The following CHST1 variants were observed in gnomAD, a reference collection of about 807,000 sequenced individuals.
CHST1 encodes carbohydrate sulfotransferase 1.
In CHST1, 10 loss-of-function variants were observed where a neutral mutation model predicts 22.5. That is an observed-to-expected ratio of 0.44 (90% CI 0.27 to 0.75). CHST1 has a LOEUF of 0.75. Among genes scored for constraint, CHST1 ranks in the 30% least tolerant of loss-of-function variants. CHST1 has a pLI of 0.15. For synonymous variants in CHST1, 267 were observed against 264.5 expected (o/e 1.01, Z -0.09); for missense variants, 439 against 576.1 (o/e 0.76, Z 2.44).
At chr11:45,655,282 G>T (rs1400319726) in intron 1 of CHST1, among the ~76,000 whole-genome samples, 1 of 152,232 alleles carries the variant, frequency 6.6e-6, no homozygotes, top group African/African-American at 2.4e-5. Context: ...CCAAATGTCT[G>T]GTTTGCTTTT....
At position 45,650,281 on chromosome 11, in the gene CHST1, C is replaced by T. The variant is rs1359494864; in HGVS notation, c.643G>A (p.Asp215Asn). 5 of 1,605,922 alleles carry T rather than the reference C, an allele frequency of 3.1e-6. No individual in the cohort carries two copies. Among genetic ancestry groups the T allele is most frequent in the Non-Finnish European group, 4.2e-6 (5 of 1,179,376 alleles). The change falls in exon 4 of 4, where the codon GAC becomes AAC. Residue 215 changes from aspartate to asparagine, a missense_variant. By Grantham distance (23) the Asp-to-Asn change is conservative (BLOSUM62 1). Transcript: ENST00000308064. ...IKTVRVPEVN[D>N]LRALVEDPRL... ...GGGTCTTCCACCAGGGCGCGCAGGTCGTTCACCTCGGGCACGCGCACCGTC... is the reference window on the plus strand; with the variant it reads ...GGGTCTTCCACCAGGGCGCGCAGGTTGTTCACCTCGGGCACGCGCACCGTC...
At chr11:45,658,772 C>T (rs1003607963) in intron 1 of CHST1, among the ~76,000 whole-genome samples, 16 of 152,228 alleles carry the variant, frequency 1.1e-4, no homozygotes, top group African/African-American at 2.9e-4. Context: ...CGACACTGGG[C>T]GGAAAAGCCC....
intron 1 of CHST1, among the ~76,000 whole-genome samples, chr11:45,656,903 G>A (rs559679927): frequency 6.6e-6 from 1 of 152,278 alleles, no homozygotes; most frequent in South Asian, 2.1e-4. Flanking sequence ...ATTTCAGAGG[G>A]GGCCTGTGGC....
chr11:45,660,281 C>T (rs184890541), intron 1 of CHST1, among the ~76,000 whole-genome samples: 4 of 152,282 alleles, frequency 2.6e-5, no homozygotes, highest in African/African-American at 4.8e-5. Context: ...AGAGAACGAA[C>T]GGATTTCAGG....
intron 1 of CHST1, among the ~76,000 whole-genome samples, chr11:45,661,667 G>A (rs539809899): frequency 6.6e-6 from 1 of 152,346 alleles, no homozygotes; most frequent in Admixed American, 6.5e-5. Context: ...GAGAAGGGTC[G>A]GCAGCTAAAG....
At chr11:45,662,858 G>A (rs1590695512) in intron 1 of CHST1, among the ~76,000 whole-genome samples, 1 of 152,272 alleles carries the variant, frequency 6.6e-6, no homozygotes, top group East Asian at 1.9e-4. Flanking sequence ...ACCCCAGTGG[G>A]TGGGGAGAGA....
intron 1 of CHST1, among the ~76,000 whole-genome samples, chr11:45,660,915 A>G (rs1852124253): frequency 1.3e-5 from 2 of 152,132 alleles, no homozygotes; most frequent in South Asian, 2.1e-4. Context: ...TTCCCAGCCC[A>G]CCGCCTTCCA....
In CHST1 at chr11:45,650,449, C is replaced by T. The variant is rs946310136; in HGVS notation, c.475G>A (p.Val159Ile). Residue 159 changes from valine to isoleucine, a missense_variant, in exon 4 of 4, where the codon GTC (valine) becomes ATC (isoleucine). Val to Ile is a conservative substitution (Grantham distance 29). Coordinates refer to ENST00000308064, the MANE Select transcript of CHST1 (RefSeq NM_003654.6). ...TCGCACACAGGCCGGGAGCAGAGGA[C>T]CCGGCTGGCCCCGCGGCGGAAGATC... is the stretch of plus-strand genomic sequence containing the variant. The part of the protein sequence containing the change: ...DRIFRRGASR[V>I]LCSRPVCDPP... 6.2e-7 allele frequency: 1 copy of T among 1,611,488 alleles called. No individual in the cohort carries two copies.
At chr11:45,663,366 G>T (rs1565001902) in intron 1 of CHST1, among the ~76,000 whole-genome samples, 1 of 152,176 alleles carries the variant, frequency 6.6e-6, no homozygotes, top group Non-Finnish European at 1.5e-5. Flanking sequence ...AGGGTTGGGG[G>T]GAGAGTGGTC....
Position 45,650,131 on chromosome 11 carries a change from A to G in CHST1, c.793T>C (p.Tyr265His). ...RLWYGTGRKP[Y>H]NLDVTQLTTV... is the part of the protein sequence containing the mutation. ...GTCAGCTGCGTCACGTCCAGGTTGT[A>G]GGGTTTCCTCCCGGTGCCGTACCAG... The change falls in exon 4 of 4, where the codon TAC becomes CAC. Residue 265 changes from tyrosine to histidine, a missense_variant. Physicochemically the swap from Tyr to His is moderately conservative, Grantham distance 83. Transcript: ENST00000308064. 2 of 1,613,888 alleles carry G rather than the reference A, an allele frequency of 1.2e-6. No individual in the cohort carries two copies. Among genetic ancestry groups the G allele is most frequent in the South Asian group, 1.1e-5 (1 of 91,078 alleles).
intron 3 of CHST1, 71 bp from the exon 4 acceptor site, chr11:45,651,036 G>T: frequency 1.7e-6 from 2 of 1,172,910 alleles, no homozygotes; most frequent in Non-Finnish European, 2.3e-6. Context: ...TGGAAGAGCC[G>T]GTCTCCAAGG....
chr11:45,660,478 G>A (rs1467247463), intron 1 of CHST1, among the ~76,000 whole-genome samples: 2 of 152,206 alleles, frequency 1.3e-5, no homozygotes, highest in Non-Finnish European at 2.9e-5. Flanking sequence ...AACAGAGGGT[G>A]AAACCCAGAC....
rs1180647445 is a variant in CHST1, at chr11:45,650,891, AAGG to A, written c.30_32del (p.Leu11del). ...ACTGGATGGCAATGGAGGCCAGGGC[AAGG>A]AGGAGGACGGCCTTCCAGGAACATT... On this transcript the variant is annotated inframe_deletion, in exon 4 of 4. Transcript: ENST00000308064. 8 of 1,548,240 alleles carry A rather than the reference AAGG, an allele frequency of 5.2e-6. No homozygotes were observed. The highest frequency in any genetic ancestry group is 7.0e-6 in the Non-Finnish European group (8 of 1,146,168).
intron 1 of CHST1, among the ~76,000 whole-genome samples, chr11:45,663,148 C>T (rs2120351615): frequency 6.6e-6 from 1 of 152,128 alleles, no homozygotes; most frequent in Non-Finnish European, 1.5e-5. Flanking sequence ...AAGAGAGATC[C>T]ACAGCGGGCA....
intron 1 of CHST1, among the ~76,000 whole-genome samples, chr11:45,655,632 G>A (rs1852052973): frequency 6.6e-6 from 1 of 152,210 alleles, no homozygotes; most frequent in Non-Finnish European, 1.5e-5. Context: ...AGCCGCACCG[G>A]GAGAGCCCAG....
chr11:45,659,256 A>C (rs939329642), intron 1 of CHST1, among the ~76,000 whole-genome samples: 1 of 152,124 alleles, frequency 6.6e-6, no homozygotes, highest in African/African-American at 2.4e-5. Context: ...TGGCGCTAGG[A>C]TTCAGACTCG....
At chr11:45,653,374 G>A (rs1008152004) in intron 1 of CHST1, among the ~76,000 whole-genome samples, 17 of 152,150 alleles carry the variant, frequency 1.1e-4, no homozygotes, top group African/African-American at 3.9e-4. Flanking sequence ...GGGCAGTTTA[G>A]AGTCTTAGGA....
chr11:45,661,845 G>A (rs1410465538), intron 1 of CHST1, among the ~76,000 whole-genome samples: 1 of 152,196 alleles, frequency 6.6e-6, no homozygotes, highest in Non-Finnish European at 1.5e-5. Context: ...GGCCGGTAAG[G>A]GAGACCGGGT....
At chr11:45,659,712 G>A (rs968248522) in intron 1 of CHST1, among the ~76,000 whole-genome samples, 1 of 152,204 alleles carries the variant, frequency 6.6e-6, no homozygotes, top group Non-Finnish European at 1.5e-5. Flanking sequence ...GTGACTCTGG[G>A]TCTGGGCTAG....
Sources: gnomAD v4.1 joint callset for allele counts (sites outside exome capture counted in the v4.1 genomes callset) on GRCh38, gnomAD v4.1.1 for gene constraint, MANE v1.5 for transcripts, NCBI Gene and HGNC (gene_info 2026-07-23, HGNC 2026-07-21) for gene names.